Variants in SCGB2B2 observed in about 807,000 individuals in gnomAD.
SCGB2B2 encodes secretoglobin family 2B member 2.
In SCGB2B2, 11 loss-of-function variants were observed where a neutral mutation model predicts 7.6. That is an observed-to-expected ratio of 1.45 (90% CI 0.91 to 2.40). The LOEUF (loss-of-function observed/expected upper bound fraction) is 2.40. SCGB2B2 is among the 30% of genes most tolerant of loss of function. The pLI, the probability that SCGB2B2 is intolerant of heterozygous loss-of-function variation, is 0.00. For synonymous variants in SCGB2B2, 50 were observed against 48.6 expected, an observed-to-expected ratio of 1.03 and a Z score of -0.12; for missense variants, 104 against 115.4, an observed-to-expected ratio of 0.90 and a Z score of 0.45.
At chr19:34,645,535 GACACAGACACACACACACAC>G (rs1198039231) in intron 1 of SCGB2B2, 20 of 138,590 alleles carry the variant, frequency 1.4e-4, no homozygotes, top group African/African-American at 1.9e-4. Context: ...GACACACACA[GACACAGACACACACACACAC>G]ACACACACAC....
intron 1 of SCGB2B2, among the ~76,000 whole-genome samples, chr19:34,601,775 T>A (rs8101870): frequency 0.32 from 48,195 of 152,094 alleles, 8,502 homozygotes; most frequent in Middle Eastern, 0.48. Context: ...TCCTCTTCAA[T>A]CCTCAGATTT....
intron 1 of SCGB2B2, among the ~76,000 whole-genome samples, chr19:34,633,477 G>A (rs925882539): frequency 6.6e-6 from 1 of 152,124 alleles, no homozygotes; most frequent in African/African-American, 2.4e-5. Context: ...CAACATGGAG[G>A]AATCTCAAAA....
chr19:34,590,536 C>G (rs2065273343), downstream of SCGB2B2, among the ~76,000 whole-genome samples: 2 of 152,216 alleles, frequency 1.3e-5, no homozygotes, highest in Admixed American at 1.3e-4. Flanking sequence ...TACATTTGGG[C>G]AGCAAGACTC....
chr19:34,620,012 T>A (rs527417834), intron 1 of SCGB2B2, among the ~76,000 whole-genome samples: 114 of 151,526 alleles, frequency 7.5e-4, no homozygotes, highest in Middle Eastern at 3.4e-3. Flanking sequence ...TATTCTTTTT[T>A]AAAAAAAAAT....
chr19:34,616,992 T>A (rs1388080284), intron 1 of SCGB2B2, among the ~76,000 whole-genome samples: 3 of 152,250 alleles, frequency 2.0e-5, no homozygotes, highest in Non-Finnish European at 4.4e-5. Flanking sequence ...GATCAGATAG[T>A]TGTAGATATG....
At position 34,624,399 on chromosome 19, in the gene SCGB2B2, T is replaced by A. The variant is rs2066314481; in HGVS notation, c.-2031-27805A>T. Among the ~76,000 whole-genome samples the A allele has an allele frequency of 2.6e-5, 4 of 152,178 alleles. No homozygotes were observed. The South Asian group carries it at 8.3e-4, about 32-fold the overall frequency. Reference sequence around the variant, plus strand: ...TTTAGTTCAGTTTAGTTTAGTTTAGTTGAAAGTTTAGTTGAAATCTTGAAA... The same window carrying A: ...TTTAGTTCAGTTTAGTTTAGTTTAGATGAAAGTTTAGTTGAAATCTTGAAA... On this transcript the variant is annotated intron_variant, in intron 1 of 3. Coordinates refer to ENST00000601241, the MANE Select transcript of SCGB2B2 (RefSeq NM_001025591.4).
chr19:34,612,934 T>C (rs377665538), intron 1 of SCGB2B2, among the ~76,000 whole-genome samples: 1 of 152,230 alleles, frequency 6.6e-6, no homozygotes, highest in Non-Finnish European at 1.5e-5. Context: ...CCCTTATTAA[T>C]GATCCTTTGT....
rs1338362045 is a variant in SCGB2B2, at chr19:34,643,063, T to C, written c.-2032+32567A>G. On this transcript the variant is annotated intron_variant, in intron 1 of 3. Coordinates refer to ENST00000601241, the MANE Select transcript of SCGB2B2 (RefSeq NM_001025591.4). ...TCCAGCAATCCCAGTACCGGTTATC[T>C]ATCCGAAAAGGAGGAAGTCAGTCTA... Among the ~76,000 whole-genome samples the C allele has an allele frequency of 3.9e-5, 6 of 152,302 alleles. No homozygotes were observed. In the South Asian group the frequency reaches 6.2e-4, roughly 16 times the overall value.
intron 1 of SCGB2B2, among the ~76,000 whole-genome samples, chr19:34,616,039 T>C (rs1020507157): frequency 2.6e-5 from 4 of 151,436 alleles, no homozygotes; most frequent in Non-Finnish European, 5.9e-5. Flanking sequence ...TATGGCTGCA[T>C]AGTATTCCAT....
chr19:34,611,374 A>ATTTG (rs2065922420), intron 1 of SCGB2B2, among the ~76,000 whole-genome samples: 1 of 151,564 alleles, frequency 6.6e-6, no homozygotes, highest in Non-Finnish European at 1.5e-5. Flanking sequence ...TTTGATTTGT[A>ATTTG]TTTGTTCTTC....
intron 1 of SCGB2B2, among the ~76,000 whole-genome samples, chr19:34,631,317 T>A (rs2094425767): frequency 8.4e-6 from 1 of 118,346 alleles, no homozygotes; most frequent in African/African-American, 4.1e-5. Context: ...TTTTTTTTTT[T>A]ACAATTTTTT....
chr19:34,602,981 T>TAA (rs2065674074), intron 1 of SCGB2B2, among the ~76,000 whole-genome samples: 1 of 152,202 alleles, frequency 6.6e-6, no homozygotes, highest in African/African-American at 2.4e-5. Flanking sequence ...GTTTCCTCAT[T>TAA]AAGTATTTGC....
At chr19:34,618,061 C>T (rs908938753) in intron 1 of SCGB2B2, among the ~76,000 whole-genome samples, 1 of 152,192 alleles carries the variant, frequency 6.6e-6, no homozygotes, top group African/African-American at 2.4e-5. Context: ...GAACCCGGTA[C>T]CTCAGATGGA....
intron 1 of SCGB2B2, among the ~76,000 whole-genome samples, chr19:34,643,223 C>T (rs1429475206): frequency 6.6e-6 from 1 of 152,076 alleles, no homozygotes; most frequent in Non-Finnish European, 1.5e-5. Context: ...GAATACTATC[C>T]CTATATTATT....
chr19:34,603,830 T>C (rs2065701993), intron 1 of SCGB2B2, among the ~76,000 whole-genome samples: 1 of 147,180 alleles, frequency 6.8e-6, no homozygotes, highest in Admixed American at 6.9e-5. Flanking sequence ...AACGTCTCAC[T>C]ATATTGCCCA....
At chr19:34,603,152 A>ACTC (rs2065678980) in intron 1 of SCGB2B2, among the ~76,000 whole-genome samples, 1 of 152,160 alleles carries the variant, frequency 6.6e-6, no homozygotes, top group African/African-American at 2.4e-5. Flanking sequence ...TGTTCACCTG[A>ACTC]CTCTAAATTA....
chr19:34,612,875 T>C (rs1196442341), intron 1 of SCGB2B2, among the ~76,000 whole-genome samples: 1 of 152,228 alleles, frequency 6.6e-6, no homozygotes, highest in Non-Finnish European at 1.5e-5. Context: ...TGTCATACCC[T>C]CTTGGTATAT....
chr19:34,673,286 A>G (rs1161971157), intron 1 of SCGB2B2, among the ~76,000 whole-genome samples: 1 of 152,058 alleles, frequency 6.6e-6, no homozygotes, highest in Non-Finnish European at 1.5e-5. Flanking sequence ...TTTAAATCAG[A>G]CTTGCTTATG....
At chr19:34,658,537 C>T (rs897220303) in intron 1 of SCGB2B2, among the ~76,000 whole-genome samples, 1 of 151,998 alleles carries the variant, frequency 6.6e-6, no homozygotes, top group African/African-American at 2.4e-5. Context: ...TACGCTCTCC[C>T]AAGACTAAAC....
Sources: allele counts gnomAD v4.1 joint callset (sites outside exome capture counted in the v4.1 genomes callset), GRCh38; gene constraint gnomAD v4.1.1; transcripts MANE v1.5; gene names NCBI Gene and HGNC (gene_info 2026-07-23, HGNC 2026-07-21).